The following SUGP2 variants were observed in gnomAD, a reference collection of about 807,000 sequenced individuals.
SUGP2 encodes the protein SURP and G-patch domain containing 2.
A neutral mutation model predicts 90.5 loss-of-function variants in SUGP2; 24 were observed. The ratio of observed to expected loss-of-function variants is 0.27; its 90% CI spans 0.19 to 0.37. The LOEUF (loss-of-function observed/expected upper bound fraction) is 0.37, where lower values mean the gene tolerates loss of function less well. Among genes scored for constraint, SUGP2 ranks in the 10% least tolerant of loss-of-function variants. The probability of loss-of-function intolerance (pLI) is 1.00; values close to 1 mark genes in which losing one functional copy is unlikely to be tolerated. For missense variants in SUGP2, 1,233 were observed against 1,363.3 expected, an observed-to-expected ratio of 0.90 and a Z score of 1.51; for synonymous variants, 473 against 513.4, an observed-to-expected ratio of 0.92 and a Z score of 1.06.
intron 2 of SUGP2, among the ~76,000 whole-genome samples, chr19:19,028,793 G>A (rs2059030547): frequency 6.6e-6 from 1 of 152,148 alleles, no homozygotes; most frequent in Admixed American, 6.5e-5. Context: ...CCACCTCCTG[G>A]GTTCAAGCTA....
chr19:19,021,665 C>T (rs902380149), intron 3 of SUGP2, among the ~76,000 whole-genome samples: 1 of 151,452 alleles, frequency 6.6e-6, no homozygotes, highest in Non-Finnish European at 1.5e-5. Flanking sequence ...AGATGTCATT[C>T]CAGCATTTTT....
At position 19,024,688 on chromosome 19, in the gene SUGP2, C is replaced by G; in HGVS notation, c.1660G>C (p.Glu554Gln). The change falls in exon 3 of 11, where the codon GAG becomes CAG. Residue 554 changes from glutamate (E) to glutamine (Q), a missense_variant. Transcript: ENST00000452918. ...GTAGGAGGAATCATTTTCTCCTCCT[C>G]TCGCATCGGCTCTGGTTCGGCTTTC... ...VKKAEPEPMR[E>Q]EEKMIPPTKP... The G allele has an allele frequency of 1.2e-6, 2 of 1,614,192 alleles. No individual in the cohort carries two copies. Among genetic ancestry groups the G allele is most frequent in the African/African-American group, 2.7e-5 (2 of 75,048 alleles).
chr19:19,018,033 C>T (rs2058567086), intron 4 of SUGP2, among the ~76,000 whole-genome samples: 1 of 151,078 alleles, frequency 6.6e-6, no homozygotes, highest in Non-Finnish European at 1.5e-5. Flanking sequence ...CACCTGAGGT[C>T]AGGAGTTCGA....
intron 8 of SUGP2, chr19:18,998,916 G>C (rs553021498): frequency 6.6e-6 from 1 of 152,500 alleles, no homozygotes; most frequent in Non-Finnish European, 1.5e-5. Context: ...AGAGGTGACA[G>C]AACCCACCGG....
Position 19,030,761 on chromosome 19 carries a change from G to C in SUGP2, c.121+190C>G, listed in dbSNP as rs184495188. Among the ~76,000 whole-genome samples, 829 of 152,222 alleles carry C rather than the reference G, an allele frequency of 5.4e-3. 9 individuals are homozygous for C. Among genetic ancestry groups the C allele is most frequent in the Middle Eastern group, 0.02 (6 of 294 alleles). On this transcript the variant is annotated intron_variant, in intron 2 of 10. Coordinates refer to ENST00000452918, the MANE Select transcript of SUGP2 (RefSeq NM_001017392.5). ...AAACTGCGCCACTGCACTTCAGCCT[G>C]GGGGAGAGAGTAAGACCCTATCACA...
intron 1 of SUGP2, 52 bp downstream of exon 1, chr19:19,033,385 A>G: frequency 8.1e-7 from 1 of 1,231,150 alleles, no homozygotes; most frequent in Non-Finnish European, 1.0e-6. Context: ...GCCGAGCCCG[A>G]GCTTCCCACC....
rs386388689 is a variant in SUGP2, at chr19:19,021,159, C to CAAAA, written c.1730-1934_1730-1931dup. Among the ~76,000 whole-genome samples, 586 of 65,642 alleles carry CAAAA rather than the reference C, an allele frequency of 8.9e-3. 20 individuals are homozygous for CAAAA. Among genetic ancestry groups the CAAAA allele is most frequent in the African/African-American group, 0.029 (466 of 15,888 alleles). 43.1% of individuals were successfully genotyped at this position (65,642 alleles called of 152,430 possible). On this transcript the variant is annotated intron_variant, in intron 3 of 10. Coordinates refer to ENST00000452918, the MANE Select transcript of SUGP2 (RefSeq NM_001017392.5). ...GGGCAACAAGAGCAAAATTCCATCT[C>CAAAA]AAAAAAAAAAAAAAAAAAAAAGCAA... is the stretch of plus-strand genomic sequence containing the variant.
chr19:18,999,826 G>A (rs2057760704), intron 8 of SUGP2, among the ~76,000 whole-genome samples: 1 of 152,178 alleles, frequency 6.6e-6, no homozygotes, highest in Non-Finnish European at 1.5e-5. Context: ...AGGCCATCTG[G>A]AGTGTACCTG....
At position 18,993,408 on chromosome 19, in the gene SUGP2, A is replaced by C. The variant is rs1271537668; in HGVS notation, c.*333T>G. On this transcript the variant is annotated 3_prime_UTR_variant, in exon 11 of 11. Transcript: ENST00000452918. ...CCAGTCCAACTGGAAAATCAGCCAG[A>C]GGAGCTGGTTCCTCAGCACTCACAG... The C allele has an allele frequency of 1.3e-5, 2 of 152,202 alleles. No homozygotes were observed. Among genetic ancestry groups the C allele is most frequent in the African/African-American group, 4.8e-5 (2 of 41,452 alleles). The allele number at this position is 152,202 out of a possible 1,614,324, so 9.4% of individuals were successfully genotyped here.
At chr19:19,024,341 T>C (rs2058841913) in intron 3 of SUGP2, among the ~76,000 whole-genome samples, 1 of 151,802 alleles carries the variant, frequency 6.6e-6, no homozygotes, top group Non-Finnish European at 1.5e-5. Flanking sequence ...AAACTCTTGG[T>C]CTTAAGTGAT....
At position 19,004,397 on chromosome 19, in the gene SUGP2, CT is replaced by C; in HGVS notation, c.2699del (p.Glu900GlyfsTer59). ...GAGCGGGGGCCTCCTCTCCCCCATCCTCATCGTCCTCGTCCTCCTCCTCAGG... is the reference window on the plus strand; with the variant it reads ...GAGCGGGGGCCTCCTCTCCCCCATCCCATCGTCCTCGTCCTCCTCCTCAGG... ...VMPEEEDEDDEDGGEEAPAPG... is the reference protein window; with the variant it reads ...VMPEEEDEDDXDGGEEAPAPG... On this transcript the variant is annotated frameshift_variant, in exon 7 of 11. Coordinates refer to ENST00000452918, the MANE Select transcript of SUGP2 (RefSeq NM_001017392.5). LOFTEE classifies it high-confidence loss of function. 1 of 1,614,126 alleles carries C rather than the reference CT, an allele frequency of 6.2e-7. No homozygotes were observed. The highest frequency in any genetic ancestry group is 1.3e-5 in the African/African-American group (1 of 75,058).
rs188672425 is a variant in SUGP2 at position 19,006,127 on chromosome 19, G to A, written c.2451-1481C>T. Among the ~76,000 whole-genome samples, 7 of 152,170 alleles carry A rather than the reference G, an allele frequency of 4.6e-5. No individual in the cohort carries two copies. The East Asian group carries it at 1.4e-3, about 29-fold the overall frequency. ...CCCAGCTACTTGGGAATCTGAGGCA[G>A]GAGAATCGCTTGAACCCGAGAGGCG... is the stretch of plus-strand genomic sequence containing the variant. On this transcript the variant is annotated intron_variant, in intron 6 of 10. Transcript: ENST00000452918.
intron 2 of SUGP2, among the ~76,000 whole-genome samples, chr19:19,027,254 G>A (rs928967899): frequency 4.6e-5 from 7 of 152,174 alleles, no homozygotes; most frequent in Admixed American, 3.3e-4. Context: ...TTCATGGAAT[G>A]CCTTTCTTTC....
intron 8 of SUGP2, among the ~76,000 whole-genome samples, chr19:19,000,934 G>A (rs940642567): frequency 2.0e-5 from 3 of 151,714 alleles, no homozygotes; most frequent in Non-Finnish European, 2.9e-5. Flanking sequence ...TAAACTCTTG[G>A]ACTCAAGCGA....
At chr19:19,018,077 C>G (rs1273133448) in intron 4 of SUGP2, among the ~76,000 whole-genome samples, 1 of 151,762 alleles carries the variant, frequency 6.6e-6, no homozygotes, top group Admixed American at 6.6e-5. Context: ...AACCCCATCT[C>G]TACTAAAAAT....
At chr19:18,997,920 A>G (rs1403586125) in intron 8 of SUGP2, among the ~76,000 whole-genome samples, 1 of 152,142 alleles carries the variant, frequency 6.6e-6, no homozygotes, top group Non-Finnish European at 1.5e-5. Context: ...CAAGTTCCCT[A>G]TCTACCTAGA....
At position 19,008,321 on chromosome 19, in the gene SUGP2, G is replaced by C. The variant is rs1281607846; in HGVS notation, c.2446C>G (p.Leu816Val). 5.6e-6 allele frequency: 9 copies of C among 1,613,278 alleles called. No homozygotes were observed. Among genetic ancestry groups the C allele is most frequent in the Non-Finnish European group, 7.6e-6 (9 of 1,179,370 alleles). Residue 816 changes from leucine to valine, a missense_variant, in exon 6 of 11, where the codon CTG (leucine) becomes GTG (valine). Transcript: ENST00000452918. ...SIENSTDNPDLWFLHDQNSSA... is the reference protein window; with the variant it reads ...SIENSTDNPDVWFLHDQNSSA... ...GAGACCCGGGGGGGTACGTACCACA[G>C]GTCAGGGTTATCGGTGCTGTTTTCT... is the stretch of plus-strand genomic sequence containing the variant.
Position 19,026,041 on chromosome 19 carries a change from A to G in SUGP2, c.307T>C (p.Phe103Leu), listed in dbSNP as rs770126134. The change falls in exon 3 of 11, where the codon TTT (phenylalanine) becomes CTT (leucine). Residue 103 changes from phenylalanine to leucine, a missense_variant. Around this residue, in one of 8 missense-constraint regions of SUGP2, gnomAD observed 418 missense variants for 399.9 expected, o/e 1.05. Coordinates refer to ENST00000452918, the MANE Select transcript of SUGP2 (RefSeq NM_001017392.5). The stretch of plus-strand genomic sequence containing the variant: ...AGATCCCGGCCACATTCTTTGCGAA[A>G]GTAGCTGTCATCACTGATGGAAGGG... ...SNPSISDDSY[F>L]RKECGRDLEF... 9.3e-6 allele frequency: 15 copies of G among 1,614,036 alleles called. No homozygotes were observed. In the African/African-American group the frequency reaches 1.9e-4, roughly 20 times the overall value.
At chr19:19,000,161 C>T (rs962790587) in intron 8 of SUGP2, among the ~76,000 whole-genome samples, 3 of 152,212 alleles carry the variant, frequency 2.0e-5, no homozygotes, top group Non-Finnish European at 4.4e-5. Context: ...GACCACCCCC[C>T]GGATTCCTCT....
Sources: gnomAD v4.1 joint callset for allele counts (sites outside exome capture counted in the v4.1 genomes callset) on GRCh38, gnomAD v4.1.1 for gene constraint, gnomAD v4.1.1 regional missense constraint, MANE v1.5 for transcripts, NCBI Gene and HGNC (gene_info 2026-07-23, HGNC 2026-07-21) for gene names.